The following GABRQ variants were observed in gnomAD, a reference collection of about 807,000 sequenced individuals.
GABRQ encodes gamma-aminobutyric acid type A receptor subunit theta.
GABRQ carries 19 observed loss-of-function variants against 30.5 expected under a neutral mutation model. The ratio of observed to expected loss-of-function variants is 0.62; its 90% confidence interval spans 0.43 to 0.91. GABRQ has a LOEUF of 0.91. Among genes scored for constraint, GABRQ ranks in the 40% least tolerant of loss-of-function variants. The pLI is 0.00. For synonymous variants in GABRQ, 187 were observed against 210.2 expected (o/e 0.89, Z 0.95); for missense variants, 520 against 521.4 (o/e 1.00, Z 0.03).
At position 152,649,289 on chromosome X, in the gene GABRQ, A is replaced by C; in HGVS notation, c.566A>C (p.Lys189Thr). ...TTAACSLDLH[K>T]FPMDKQACNL... ...GCAGCTTGTTCCCTGGATCTGCATA[A>C]ATTCCCTATGGACAAGCAGGCCTGC... Residue 189 changes from lysine (K) to threonine (T), a missense_variant, in exon 5 of 9, where the codon AAA becomes ACA. Lys to Thr is a moderately conservative substitution (Grantham distance 78, BLOSUM62 -1). Transcript: ENST00000598523. 1.7e-6 allele frequency: 2 copies of C among 1,193,251 alleles called. No homozygotes were observed. The highest frequency in any genetic ancestry group is 2.3e-6 in the Non-Finnish European group (2 of 880,162).
rs75916692 is a variant in GABRQ at position 152,652,594 on chromosome X, G to A, written c.1212G>A (p.Ala404=). The change falls in exon 9 of 9, where the codon GCG becomes GCA. Residue 404 remains alanine, a synonymous_variant. Coordinates refer to ENST00000598523, the MANE Select transcript of GABRQ (RefSeq NM_018558.4). ...TCAGCTCTCTCCCCATCACCCCAGC[G>A]CAGGCCCCCCTGGCAAGCCCGGAAA... ...DGVSSLPITP[A]QAPLASPESL... The A allele has an allele frequency of 5.8e-6, 7 of 1,207,895 alleles. No individual in the cohort carries two copies. The highest frequency in any genetic ancestry group is 1.8e-5 in the South Asian group (1 of 56,696).
chrX:152,652,598 GC>G lies in GABRQ; in HGVS notation c.1222del (p.Leu408TrpfsTer10), dbSNP rs1569454161. ...CTCTCTCCCCATCACCCCAGCGCAG[GC>G]CCCCCTGGCAAGCCCGGAAAGCCTC... Reference protein sequence around the residue: ...VSSLPITPAQAPLASPESLGS... With the variant: ...VSSLPITPAQXPLASPESLGS... On this transcript the variant is annotated frameshift_variant, in exon 9 of 9. Transcript: ENST00000598523. LOFTEE classifies it low-confidence loss of function (END_TRUNC). 1.7e-6 allele frequency: 2 copies of G among 1,209,615 alleles called. No individual in the cohort carries two copies. Among genetic ancestry groups the G allele is most frequent in the East Asian group, 5.9e-5 (2 of 33,808 alleles).
chrX:152,642,391 C>T (rs1556818535), intron 2 of GABRQ, among the ~76,000 whole-genome samples: 4 of 112,002 alleles, frequency 3.6e-5, no homozygotes, highest in African/African-American at 1.3e-4. Context: ...AACTGTGGCC[C>T]AGTTCAAACA....
chrX:152,646,687 A>G (rs951611951), intron 3 of GABRQ, among the ~76,000 whole-genome samples: 1 of 112,267 alleles, frequency 8.9e-6, no homozygotes, highest in African/African-American at 3.2e-5. Flanking sequence ...GGTGTGAGGG[A>G]AATATATTCT....
Position 152,637,952 on chromosome X carries a change from T to TG in GABRQ, c.-245dup, listed in dbSNP as rs1930648871. On this transcript the variant is annotated 5_prime_UTR_variant, in exon 1 of 9. Transcript: ENST00000598523. ...CACCTCGCAGCTGCCGGGCGGGCCC[T>TG]GGGGGGAGCTGCGTCCAGCAGAGCT... Among the ~76,000 whole-genome samples, 1 of 113,187 alleles carries TG rather than the reference T, an allele frequency of 8.8e-6. No individual in the cohort carries two copies. Among genetic ancestry groups the TG allele is most frequent in the African/African-American group, 3.2e-5 (1 of 31,215 alleles).
intron 4 of GABRQ, among the ~76,000 whole-genome samples, chrX:152,647,781 G>C (rs1930923660): frequency 9.0e-6 from 1 of 111,661 alleles, no homozygotes; most frequent in African/African-American, 3.3e-5. Context: ...TTATAGCATA[G>C]GAGACAGTCA....
rs1556821112 is a variant in GABRQ at position 152,655,849 on chromosome X, AG to A, written c.*2571del. ...AGATTGGAGCAGTGTGAAGAAAAGG[AG>A]GGTTTTAAGATTTGTCTGGAAGCAA... On this transcript the variant is annotated 3_prime_UTR_variant, in exon 9 of 9. Transcript: ENST00000598523. 8.9e-6 allele frequency: 1 copy of A among 111,991 alleles called. No homozygotes were observed. The highest frequency in any genetic ancestry group is 1.9e-5 in the Non-Finnish European group (1 of 53,216). 9.2% of individuals were successfully genotyped at this position (111,991 alleles called of 1,213,427 possible). A position where few individuals can be genotyped will look rare whatever the true frequency, so the allele number is the denominator to read the frequency against.
chrX:152,653,227 C>A lies in GABRQ; in HGVS notation c.1845C>A (p.Phe615Leu). 1 of 1,206,508 alleles carries A rather than the reference C, an allele frequency of 8.3e-7. No homozygotes were observed. The highest frequency in any genetic ancestry group is 1.1e-6 in the Non-Finnish European group (1 of 890,726). ...PKVDKWSRFL[F>L]PLAFGLFNIV... ...TCGACAAGTGGTCCCGGTTCCTCTTCCCTCTGGCCTTTGGGTTGTTCAACA... is the reference window on the plus strand; with the variant it reads ...TCGACAAGTGGTCCCGGTTCCTCTTACCTCTGGCCTTTGGGTTGTTCAACA... The change falls in exon 9 of 9, where the codon TTC becomes TTA. Residue 615 changes from phenylalanine (F) to leucine (L), a missense_variant. Coordinates refer to ENST00000598523, the MANE Select transcript of GABRQ (RefSeq NM_018558.4).
intron 2 of GABRQ, among the ~76,000 whole-genome samples, chrX:152,644,537 G>C: frequency 8.9e-6 from 1 of 112,223 alleles, no homozygotes; most frequent in East Asian, 2.8e-4. Context: ...GTATGCCAGT[G>C]CAGGTGGACA....
Position 152,656,632 on chromosome X carries a change from A to G in GABRQ, c.*3351A>G, listed in dbSNP as rs1447029231. 1.8e-5 allele frequency: 2 copies of G among 112,662 alleles called. No homozygotes were observed. Among genetic ancestry groups the G allele is most frequent in the Non-Finnish European group, 3.7e-5 (2 of 53,344 alleles). 9.3% of individuals were successfully genotyped at this position (112,662 alleles called of 1,213,427 possible). ...TCTTACAATTCATGTCATCTTGTTA[A>G]TAGCAGGACTTCAAAGTCTTTGCAT... On this transcript the variant is annotated 3_prime_UTR_variant, in exon 9 of 9. Transcript: ENST00000598523.
chrX:152,650,915 G>T (rs1931005950), intron 7 of GABRQ, among the ~76,000 whole-genome samples: 1 of 111,692 alleles, frequency 9.0e-6, no homozygotes. Context: ...AAATCACAGG[G>T]TGTCTGGGAC....
At chrX:152,639,386 A>G (rs368857284) in intron 1 of GABRQ, among the ~76,000 whole-genome samples, 1,095 of 104,215 alleles carry the variant, frequency 0.011, 16 homozygotes, top group African/African-American at 0.041. Context: ...GCGCACACAC[A>G]CACACACACA....
In GABRQ at chrX:152,651,504, GTC is replaced by G; in HGVS notation, c.902-20_902-19del. 8.3e-7 allele frequency: 1 copy of G among 1,198,606 alleles called. No homozygotes were observed. Among genetic ancestry groups the G allele is most frequent in the South Asian group, 1.8e-5 (1 of 56,056 alleles). On this transcript the variant is annotated intron_variant, in intron 7 of 8. Coordinates refer to ENST00000598523, the MANE Select transcript of GABRQ (RefSeq NM_018558.4). The stretch of plus-strand genomic sequence containing the variant: ...AACGTTAGCCATCAGAGGAGACTAA[GTC>G]TGTACTGTGTTGCTTACAGGCTTAA...
At chrX:152,652,236 AAGCCCGGTCCTGCCTGCCTG>A (rs782216277) in intron 8 of GABRQ, among the ~76,000 whole-genome samples, 69 of 113,032 alleles carry the variant, frequency 6.1e-4, no homozygotes, top group Non-Finnish European at 1.1e-3. Flanking sequence ...CCTTCGCAGA[AAGCCCGGTCCTGCCTGCCTG>A]AGCAGGCATC....
chrX:152,641,979 C>T (rs1234642619), intron 2 of GABRQ, among the ~76,000 whole-genome samples: 2 of 111,831 alleles, frequency 1.8e-5, no homozygotes, highest in African/African-American at 6.5e-5. Context: ...TCTCTGCAGG[C>T]ATCCAGGACC....
Position 152,649,323 on chromosome X carries a change from G to A in GABRQ, c.600G>A (p.Val200=). 1 of 1,137,373 alleles carries A rather than the reference G, an allele frequency of 8.8e-7. No individual in the cohort carries two copies. Among genetic ancestry groups the A allele is most frequent in the South Asian group, 1.8e-5 (1 of 55,372 alleles). The allele number at this position is 1,137,373 out of a possible 1,213,427, so 93.7% of individuals were successfully genotyped here. Reference sequence around the variant, plus strand: ...TGGACAAGCAGGCCTGCAACCTGGTGGTAGAGAGCTGTACGTATGTCTCCT... The same window carrying A: ...TGGACAAGCAGGCCTGCAACCTGGTAGTAGAGAGCTGTACGTATGTCTCCT... ...FPMDKQACNL[V]VESYGYTVED... The change falls in exon 5 of 9, where the codon GTG becomes GTA. Residue 200 remains valine (V), a synonymous_variant. Coordinates refer to ENST00000598523, the MANE Select transcript of GABRQ (RefSeq NM_018558.4).
rs782455700 is a variant in GABRQ, at chrX:152,645,978, G to A, written c.306+384G>A. Among the ~76,000 whole-genome samples, 193 of 112,468 alleles carry A rather than the reference G, an allele frequency of 1.7e-3. 1 individual carries two copies. Among genetic ancestry groups the A allele is most frequent in the African/African-American group, 6.1e-3 (189 of 30,984 alleles). ...GTGTAACCAAATTTACAGAACTCCT[G>A]TTTTACAAAACAAAACCATTATAAC... is the stretch of plus-strand genomic sequence containing the variant. On this transcript the variant is annotated intron_variant, in intron 3 of 8. Transcript: ENST00000598523.
intron 2 of GABRQ, among the ~76,000 whole-genome samples, chrX:152,642,800 A>C (rs142201315): frequency 1.8e-5 from 2 of 111,460 alleles, no homozygotes; most frequent in South Asian, 7.6e-4. Context: ...GACGTTTCTC[A>C]TCCCCTCCCC....
intron 2 of GABRQ, among the ~76,000 whole-genome samples, chrX:152,642,034 C>T (rs181003398): frequency 5.4e-5 from 6 of 111,523 alleles, no homozygotes; most frequent in African/African-American, 1.3e-4. Flanking sequence ...GGAGGGTTAC[C>T]CTAAGCTTTG....
Sources: allele counts gnomAD v4.1 joint callset (sites outside exome capture counted in the v4.1 genomes callset), GRCh38; gene constraint gnomAD v4.1.1; transcripts MANE v1.5; gene names NCBI Gene and HGNC (gene_info 2026-07-23, HGNC 2026-07-21).